RALGAPB: variants seen among roughly 807,000 people sequenced by gnomAD.
RALGAPB encodes Ral GTPase activating protein non-catalytic subunit beta.
RALGAPB carries 25 observed loss-of-function variants against 161.1 expected under a neutral mutation model. The ratio of observed to expected loss-of-function variants is 0.16; its 90% confidence interval spans 0.11 to 0.22. The LOEUF is 0.22. Ranked by LOEUF, RALGAPB falls within the 10% of genes least tolerant of loss-of-function variation. The pLI, the probability that RALGAPB is intolerant of heterozygous loss-of-function variation, is 1.00. For missense variants in RALGAPB, 1,391 were observed against 1,815.2 expected, an observed-to-expected ratio of 0.77 and a Z score of 4.25; for synonymous variants, 629 against 626.1, an observed-to-expected ratio of 1.00 and a Z score of -0.07.
chr20:38,529,702 G>T (rs2086590535), intron 13 of RALGAPB, among the ~76,000 whole-genome samples: 1 of 151,446 alleles, frequency 6.6e-6, no homozygotes, highest in Non-Finnish European at 1.5e-5. Flanking sequence ...AATTAGCCAG[G>T]CGTGGTGGCA....
At chr20:38,513,011 C>T (rs1321458941) in intron 6 of RALGAPB, among the ~76,000 whole-genome samples, 4 of 152,072 alleles carry the variant, frequency 2.6e-5, no homozygotes, top group Non-Finnish European at 4.4e-5. Context: ...CCGCCTGCCT[C>T]GGCCTCTCAA....
Position 38,569,186 on chromosome 20 carries a change from T to A in RALGAPB, c.3955-702T>A, listed in dbSNP as rs1180213484. ...TTTTAATTTTAAAATTCACCTCAAGTATGAGATTCTTCCCTCTGTACACAT... is the reference window on the plus strand; with the variant it reads ...TTTTAATTTTAAAATTCACCTCAAGAATGAGATTCTTCCCTCTGTACACAT... On this transcript the variant is annotated intron_variant, in intron 26 of 29. Transcript: ENST00000262879. 1.3e-5 allele frequency: 2 copies of A among 152,174 alleles called. 1 individual carries two copies. The highest frequency in any genetic ancestry group is 3.9e-4 in the East Asian group (2 of 5,194). The allele number at this position is 152,174 out of a possible 1,614,324, so 9.4% of individuals were successfully genotyped here.
intron 29 of RALGAPB, 22 bp from the exon 30 acceptor site, chr20:38,574,752 T>A (rs1229603832): frequency 6.2e-7 from 1 of 1,601,384 alleles, no homozygotes; most frequent in Non-Finnish European, 8.6e-7. Context: ...TAACGTTTAT[T>A]TTAAAACTCT....
At chr20:38,526,434 C>G (rs974504066) in intron 13 of RALGAPB, among the ~76,000 whole-genome samples, 1 of 152,046 alleles carries the variant, frequency 6.6e-6, no homozygotes, top group African/African-American at 2.4e-5. Context: ...CTTCCTCTTA[C>G]TCCTGCCCAT....
rs1443828639 is a variant in RALGAPB, at chr20:38,473,043, C to T, written c.-57C>T. ...CGGCCGGCGGCGGCGCCCGCCCCGG[C>T]GATGCGGGCCCCGCCCGTCGCCTCA... is the stretch of plus-strand genomic sequence containing the variant. On this transcript the variant is annotated 5_prime_UTR_variant, in exon 1 of 30. Coordinates refer to ENST00000262879, the MANE Select transcript of RALGAPB (RefSeq NM_020336.4). 5.2e-6 allele frequency: 2 copies of T among 382,390 alleles called. No individual in the cohort carries two copies. The highest frequency in any genetic ancestry group is 7.5e-5 in the East Asian group (2 of 26,720). 23.7% of individuals were successfully genotyped at this position (382,390 alleles called of 1,614,324 possible).
intron 12 of RALGAPB, 115 bp from the exon 13 acceptor site, chr20:38,525,780 A>C (rs1299017308): frequency 9.2e-7 from 1 of 1,091,716 alleles, no homozygotes; most frequent in African/African-American, 1.6e-5. Context: ...ACAGTGGCTA[A>C]TATTAGACTG....
At chr20:38,571,790 C>T (rs1289625506) in intron 28 of RALGAPB, among the ~76,000 whole-genome samples, 1 of 152,188 alleles carries the variant, frequency 6.6e-6, no homozygotes, top group Non-Finnish European at 1.5e-5. Flanking sequence ...CTGTTTTCCA[C>T]AGTGGCTGTA....
In RALGAPB at chr20:38,570,803, C is replaced by T. The variant is rs2088203216; in HGVS notation, c.4098C>T (p.Ile1366=). The change falls in exon 28 of 30, where the codon ATC becomes ATT. Residue 1366 remains isoleucine, a synonymous_variant. Coordinates refer to ENST00000262879, the MANE Select transcript of RALGAPB (RefSeq NM_020336.4). ...NFPLSELMTE[I]STGVETTANS... is the part of the protein sequence containing the mutation. ...CCCTCTCAGAGCTGATGACAGAGATCAGTACTGGTGTGGAAACTACTGCAA... is the reference window on the plus strand; with the variant it reads ...CCCTCTCAGAGCTGATGACAGAGATTAGTACTGGTGTGGAAACTACTGCAA... 6.2e-7 allele frequency: 1 copy of T among 1,609,564 alleles called. No individual in the cohort carries two copies. The highest frequency in any genetic ancestry group is 1.3e-5 in the African/African-American group (1 of 74,908).
At chr20:38,570,231 T>TA (rs2088181871) in intron 27 of RALGAPB, among the ~76,000 whole-genome samples, 2 of 152,180 alleles carry the variant, frequency 1.3e-5, no homozygotes, top group African/African-American at 2.4e-5. Context: ...GACCAGTAGA[T>TA]ACAAAGCTTT....
chr20:38,558,460 G>GTT lies in RALGAPB; in HGVS notation c.3531+8_3531+9dup, dbSNP rs1568975365. The GTT allele has an allele frequency of 1.3e-6, 2 of 1,553,738 alleles. No individual in the cohort carries two copies. The highest frequency in any genetic ancestry group is 1.4e-5 in the African/African-American group (1 of 71,762). On this transcript the variant is annotated splice_region_variant and intron_variant, in intron 23 of 29. Coordinates refer to ENST00000262879, the MANE Select transcript of RALGAPB (RefSeq NM_020336.4). ...TCAGAAAACGAACCAAGAGGTAAGA[G>GTT]TTACGAATTTTTTTTTTTTGGTATG... is the stretch of plus-strand genomic sequence containing the variant.
intron 1 of RALGAPB, among the ~76,000 whole-genome samples, chr20:38,483,063 G>GT (rs2122835659): frequency 6.6e-6 from 1 of 152,182 alleles, no homozygotes; most frequent in East Asian, 1.9e-4. Flanking sequence ...ACTTTTTTGT[G>GT]TTTTTTGTAG....
At chr20:38,541,349 A>AT (rs139767762) in intron 18 of RALGAPB, among the ~76,000 whole-genome samples, 157 bp downstream of exon 18, 3,214 of 149,268 alleles carry the variant, frequency 0.022, 42 homozygotes, top group Middle Eastern at 0.048. Context: ...GAAAATCTCT[A>AT]TTTTTTTTTT....
chr20:38,578,762 T>G lies in RALGAPB; in HGVS notation c.*3795T>G, dbSNP rs1001321232. The stretch of plus-strand genomic sequence containing the variant: ...GGTTAGGGAAGAAGGTCCAGAGGTT[T>G]GTTTGTATTTATGCCGATCCTTTGT... On this transcript the variant is annotated 3_prime_UTR_variant, in exon 30 of 30. Coordinates refer to ENST00000262879, the MANE Select transcript of RALGAPB (RefSeq NM_020336.4). The G allele has an allele frequency of 1.3e-5, 2 of 152,658 alleles. No homozygotes were observed. Among genetic ancestry groups the G allele is most frequent in the African/African-American group, 2.4e-5 (1 of 41,452 alleles). 9.5% of individuals were successfully genotyped at this position (152,658 alleles called of 1,614,324 possible). A position where few individuals can be genotyped will look rare whatever the true frequency, so the allele number is the denominator to read the frequency against.
chr20:38,495,560 A>G (rs955687714), intron 3 of RALGAPB, among the ~76,000 whole-genome samples: 1 of 152,224 alleles, frequency 6.6e-6, no homozygotes, highest in African/African-American at 2.4e-5. Context: ...TTCATTTACA[A>G]TATAGATAGT....
intron 18 of RALGAPB, among the ~76,000 whole-genome samples, chr20:38,541,892 A>G (rs1600996435): frequency 1.3e-5 from 2 of 152,322 alleles, no homozygotes; most frequent in South Asian, 4.1e-4. Context: ...TTTGAGCTGC[A>G]AGCCAGAGTA....
In RALGAPB at chr20:38,553,954, T is replaced by G. The variant is rs1410163616; in HGVS notation, c.3250T>G (p.Leu1084Val). The change falls in exon 22 of 30, where the codon TTG becomes GTG. Residue 1084 changes from leucine to valine, a missense_variant. Leu to Val is a conservative substitution (Grantham distance 32). Around this residue, in one of 3 missense-constraint regions of RALGAPB, gnomAD observed 436 missense variants for 527.0 expected, o/e 0.83. Transcript: ENST00000262879. ...IHLEQQSEEE[L>V]QKRSFPDPVT... Reference sequence around the variant, plus strand: ...CCTTGAGCAACAGAGTGAGGAGGAATTGCAGAAGAGAAGTTTTCCTGACCC... The same window carrying G: ...CCTTGAGCAACAGAGTGAGGAGGAAGTGCAGAAGAGAAGTTTTCCTGACCC... The G allele has an allele frequency of 6.2e-7, 1 of 1,613,474 alleles. No homozygotes were observed. Among genetic ancestry groups the G allele is most frequent in the African/African-American group, 1.3e-5 (1 of 74,836 alleles).
At chr20:38,519,421 T>TA (rs1430046277) in intron 9 of RALGAPB, among the ~76,000 whole-genome samples, 1 of 152,180 alleles carries the variant, frequency 6.6e-6, no homozygotes, top group Non-Finnish European at 1.5e-5. Context: ...ATGTAATTCT[T>TA]ACAATGTAAC....
chr20:38,493,752 T>C (rs1402148868), intron 3 of RALGAPB, among the ~76,000 whole-genome samples: 2 of 152,162 alleles, frequency 1.3e-5, no homozygotes, highest in African/African-American at 2.4e-5. Flanking sequence ...ACTTTCTAAA[T>C]ATAGAAGGGA....
intron 17 of RALGAPB, among the ~76,000 whole-genome samples, chr20:38,540,674 C>G (rs906291099): frequency 2.6e-5 from 4 of 152,058 alleles, no homozygotes; most frequent in African/African-American, 9.7e-5. Context: ...CCTTTGATAG[C>G]TAAGTCCAGA....
Sources: allele counts gnomAD v4.1 joint callset (sites outside exome capture counted in the v4.1 genomes callset), GRCh38; gene constraint gnomAD v4.1.1; regional missense constraint gnomAD v4.1.1; transcripts MANE v1.5; gene names NCBI Gene and HGNC (gene_info 2026-07-23, HGNC 2026-07-21).